The following SHTN1 variants were observed in gnomAD, a reference collection of about 807,000 sequenced individuals.
The protein encoded by SHTN1 is shootin-1.
In SHTN1, 42 loss-of-function variants were observed where a neutral mutation model predicts 83.1. The ratio of observed to expected loss-of-function variants is 0.51; its 90% CI spans 0.39 to 0.65. The LOEUF (loss-of-function observed/expected upper bound fraction) is 0.65. SHTN1 is among the 30% of genes least tolerant of loss of function. The pLI is 0.00. For synonymous variants in SHTN1, 224 were observed against 247.7 expected, an observed-to-expected ratio of 0.90 and a Z score of 0.90; for missense variants, 622 against 737.8, an observed-to-expected ratio of 0.84 and a Z score of 1.82.
chr10:116,901,483 G>A, intron 16 of SHTN1: 1 of 985,054 alleles, frequency 1.0e-6, no homozygotes, highest in South Asian at 4.7e-5. Flanking sequence ...TCCTGACGCA[G>A]AGTCTGTATC....
intron 1 of SHTN1, among the ~76,000 whole-genome samples, chr10:116,993,940 C>T (rs1851536330): frequency 6.6e-6 from 1 of 151,988 alleles, no homozygotes; most frequent in Non-Finnish European, 1.5e-5. Flanking sequence ...CTACTTTTGG[C>T]TTCTCACTGC....
intron 16 of SHTN1, among the ~76,000 whole-genome samples, chr10:116,897,939 C>A (rs933650158): frequency 1.3e-5 from 2 of 152,132 alleles, no homozygotes; most frequent in Non-Finnish European, 2.9e-5. Flanking sequence ...GATTAAAATA[C>A]AAATCATTCT....
At chr10:116,910,781 C>CGTGCTT (rs1848161077) in intron 14 of SHTN1, among the ~76,000 whole-genome samples, 1 of 152,176 alleles carries the variant, frequency 6.6e-6, no homozygotes, top group South Asian at 2.1e-4. Context: ...ATTAGATAAT[C>CGTGCTT]ACCACATGCT....
chr10:116,964,580 C>T (rs995951746), intron 3 of SHTN1, among the ~76,000 whole-genome samples: 7 of 152,210 alleles, frequency 4.6e-5, no homozygotes, highest in African/African-American at 1.7e-4. Context: ...CATCACACTA[C>T]TTCAAAAGTT....
intron 9 of SHTN1, among the ~76,000 whole-genome samples, chr10:116,939,377 C>G (rs1221478792): frequency 6.6e-6 from 1 of 152,168 alleles, no homozygotes; most frequent in East Asian, 1.9e-4. Context: ...GAGCACCATT[C>G]CTCACAGCAC....
intron 14 of SHTN1, among the ~76,000 whole-genome samples, chr10:116,909,546 C>A (rs1007202222): frequency 6.6e-6 from 1 of 152,166 alleles, no homozygotes; most frequent in African/African-American, 2.4e-5. Context: ...TCCTAAACCT[C>A]AAAACCTTTT....
chr10:117,046,840 G>A (rs1324853807), intron 2 of SHTN1, among the ~76,000 whole-genome samples: 1 of 152,102 alleles, frequency 6.6e-6, no homozygotes, highest in Non-Finnish European at 1.5e-5. Flanking sequence ...GCCAGGAGCT[G>A]GGGAAAAGAG....
chr10:116,937,685 T>C (rs1443261518), intron 9 of SHTN1, among the ~76,000 whole-genome samples: 1 of 152,042 alleles, frequency 6.6e-6, no homozygotes, highest in Non-Finnish European at 1.5e-5. Context: ...GTTTTCTGTG[T>C]TTTCTGAATT....
rs527906165 is a variant in SHTN1, at chr10:117,103,456, T to C, written c.-189+22851A>G. On this transcript the variant is annotated intron_variant, in intron 1 of 17. Transcript: ENST00000392901. The stretch of plus-strand genomic sequence containing the variant: ...TACCACCCATGTTTTCTACATACTT[T>C]TCCTTAGCGGTTATGGGTCTTGAGA... Among the ~76,000 whole-genome samples the C allele has an allele frequency of 9.5e-4, 145 of 152,160 alleles. 2 individuals are homozygous for C. The South Asian group carries it at 0.029, about 30-fold the overall frequency.
intron 2 of SHTN1, among the ~76,000 whole-genome samples, chr10:117,015,616 C>A (rs1011776889): frequency 6.6e-6 from 1 of 152,204 alleles, no homozygotes; most frequent in Non-Finnish European, 1.5e-5. Flanking sequence ...CAGGCGTGAG[C>A]CACCGTGCCC....
intron 1 of SHTN1, among the ~76,000 whole-genome samples, chr10:116,991,117 C>A (rs1253604507): frequency 6.6e-6 from 1 of 151,836 alleles, no homozygotes; most frequent in Non-Finnish European, 1.5e-5. Flanking sequence ...ACCCGGGAGG[C>A]GGAGCTTGCA....
At chr10:117,067,016 C>A (rs1409523322) in intron 1 of SHTN1, among the ~76,000 whole-genome samples, 1 of 152,032 alleles carries the variant, frequency 6.6e-6, no homozygotes, top group Non-Finnish European at 1.5e-5. Context: ...AATACAAAGA[C>A]AAGTAGGGCT....
Position 116,906,705 on chromosome 10 carries a change from G to A in SHTN1, c.1402C>T (p.Leu468Phe). Residue 468 changes from leucine to phenylalanine, a missense_variant, in exon 15 of 17, where the codon CTT becomes TTT. This residue lies in a region of SHTN1 where 231 missense variants were observed against 251.6 expected (regional missense o/e 0.92). Transcript: ENST00000355371. The part of the protein sequence containing the change: ...KSTSSRSLKS[L>F]DPENSETELE... The stretch of plus-strand genomic sequence containing the variant: ...TCAGTTTCACTGTTTTCAGGGTCAA[G>A]GGATTTTAAGCTTCTTGAACTAGTG... 1 of 1,613,210 alleles carries A rather than the reference G, an allele frequency of 6.2e-7. No homozygotes were observed. Among genetic ancestry groups the A allele is most frequent in the South Asian group, 1.1e-5 (1 of 90,936 alleles).
At position 116,955,548 on chromosome 10, in the gene SHTN1, A is replaced by G. The variant is rs114078284; in HGVS notation, c.268-1338T>C. Among the ~76,000 whole-genome samples, 845 of 152,310 alleles carry G rather than the reference A, an allele frequency of 5.5e-3. 6 individuals are homozygous for G. Among genetic ancestry groups the G allele is most frequent in the African/African-American group, 0.019 (781 of 41,576 alleles). The stretch of plus-strand genomic sequence containing the variant: ...TCCTCACTGTAAACCTGACACTAGA[A>G]TAAGATATTTAGCATAGCACTGGTC... On this transcript the variant is annotated intron_variant, in intron 4 of 16. Coordinates refer to ENST00000355371, the MANE Select transcript of SHTN1 (RefSeq NM_001127211.3).
At chr10:117,049,620 G>A (rs1158927446) in intron 1 of SHTN1, among the ~76,000 whole-genome samples, 1 of 152,144 alleles carries the variant, frequency 6.6e-6, no homozygotes, top group African/African-American at 2.4e-5. Flanking sequence ...ATGGGTAAAT[G>A]AATGAACAAA....
chr10:116,904,781 G>C (rs915466584), intron 15 of SHTN1, among the ~76,000 whole-genome samples: 5 of 152,186 alleles, frequency 3.3e-5, no homozygotes, highest in African/African-American at 1.2e-4. Flanking sequence ...TGAAATGTGA[G>C]TATTGCACAT....
rs750646688 is a variant in SHTN1 at position 116,940,481 on chromosome 10, A to C, written c.843T>G (p.Ile281Met). 1 of 1,612,414 alleles carries C rather than the reference A, an allele frequency of 6.2e-7. No individual in the cohort carries two copies. The highest frequency in any genetic ancestry group is 1.1e-5 in the South Asian group (1 of 91,006). Residue 281 changes from isoleucine (I) to methionine (M), a missense_variant, in exon 9 of 17, where the codon ATT (isoleucine) becomes ATG (methionine). Physicochemically the swap from Ile to Met is conservative, Grantham distance 10 (BLOSUM62 1). Around this residue, in one of 3 missense-constraint regions of SHTN1, gnomAD observed 383 missense variants for 455.8 expected, o/e 0.84. Transcript: ENST00000355371. Reference protein sequence around the residue: ...KLTQQLEEERIQHQQKVKELE... With the variant: ...KLTQQLEEERMQHQQKVKELE... ...AATGGGTTACCTTTTGTTGATGCTG[A>C]ATTCTCTCTTCTTCAAGTTGCTGGG...
chr10:117,124,924 A>C (rs765976480), intron 1 of SHTN1, among the ~76,000 whole-genome samples: 2 of 152,212 alleles, frequency 1.3e-5, no homozygotes, highest in Non-Finnish European at 2.9e-5. Flanking sequence ...TGTGGGGGTT[A>C]AGGTGATGAC....
At chr10:117,095,444 T>C (rs1489993260) in intron 1 of SHTN1, among the ~76,000 whole-genome samples, 3 of 152,170 alleles carry the variant, frequency 2.0e-5, no homozygotes, top group Non-Finnish European at 4.4e-5. Context: ...AAACCACACA[T>C]TGAGACTGTA....
Sources: allele counts gnomAD v4.1 joint callset (sites outside exome capture counted in the v4.1 genomes callset), GRCh38; gene constraint gnomAD v4.1.1; regional missense constraint gnomAD v4.1.1; transcripts MANE v1.5; gene names NCBI Gene and HGNC (gene_info 2026-07-23, HGNC 2026-07-21).